The following GRIP1 variants were observed in gnomAD, a reference collection of about 807,000 sequenced individuals.
The protein encoded by GRIP1 is glutamate receptor interacting protein 1.
In GRIP1, 45 loss-of-function variants were observed where a neutral mutation model predicts 129.9. The observed-to-expected ratio is 0.35, with a 90% CI of 0.27 to 0.44. GRIP1 has a LOEUF of 0.44. Ranked by LOEUF, GRIP1 falls within the 20% of genes least tolerant of loss-of-function variation. The pLI is 1.00. For synonymous variants in GRIP1, 530 were observed against 520.8 expected (o/e 1.02, Z -0.24); for missense variants, 1,196 against 1,396.8 (o/e 0.86, Z 2.29).
At chr12:67,041,397 G>A (rs79550040) in intron 1 of GRIP1, among the ~76,000 whole-genome samples, 2,253 of 152,024 alleles carry the variant, frequency 0.015, 26 homozygotes, top group Non-Finnish European at 0.023. Flanking sequence ...TATATATGGA[G>A]AGAGAGAGAA....
At chr12:66,796,816 CATT>C (rs1351527554) in intron 1 of GRIP1, among the ~76,000 whole-genome samples, 1 of 152,032 alleles carries the variant, frequency 6.6e-6, no homozygotes, top group African/African-American at 2.4e-5. Flanking sequence ...AAAATTCAAG[CATT>C]ATATTTTATT....
intron 1 of GRIP1, among the ~76,000 whole-genome samples, chr12:66,859,963 T>C (rs1461051091): frequency 6.6e-6 from 1 of 152,092 alleles, no homozygotes; most frequent in African/African-American, 2.4e-5. Flanking sequence ...GGGCTCTGTT[T>C]ATATTTCCAG....
intron 1 of GRIP1, among the ~76,000 whole-genome samples, chr12:66,608,494 G>C (rs1406754648): frequency 6.6e-6 from 1 of 151,868 alleles, no homozygotes; most frequent in African/African-American, 2.4e-5. Flanking sequence ...CACCATGACT[G>C]GCTAATTTTT....
At chr12:66,437,972 C>A (rs1053995942) in intron 13 of GRIP1, among the ~76,000 whole-genome samples, 2 of 152,104 alleles carry the variant, frequency 1.3e-5, no homozygotes, top group South Asian at 4.1e-4. Flanking sequence ...CCCAATTGAG[C>A]CTCAGTTTCC....
At chr12:66,553,234 A>C (rs2062202420) in intron 2 of GRIP1, among the ~76,000 whole-genome samples, 1 of 152,052 alleles carries the variant, frequency 6.6e-6, no homozygotes, top group Non-Finnish European at 1.5e-5. Context: ...TAGTACCTCA[A>C]TCACCTTATG....
chr12:66,985,488 AC>A (rs2042298674), intron 1 of GRIP1, among the ~76,000 whole-genome samples: 1 of 152,168 alleles, frequency 6.6e-6, no homozygotes, highest in Middle Eastern at 3.2e-3. Flanking sequence ...TAAAATTTTT[AC>A]TGTTTAAATT....
chr12:66,353,093 G>A (rs563779902), intron 24 of GRIP1, among the ~76,000 whole-genome samples: 1 of 152,100 alleles, frequency 6.6e-6, no homozygotes, highest in Non-Finnish European at 1.5e-5. Flanking sequence ...GCCTGGAGTC[G>A]GATAACTACG....
chr12:66,849,888 T>A (rs1324296280), intron 1 of GRIP1, among the ~76,000 whole-genome samples: 1 of 152,154 alleles, frequency 6.6e-6, no homozygotes. Flanking sequence ...AGAAAGCACA[T>A]GAATAGGAGC....
At chr12:66,912,592 A>C (rs1474499080) in intron 1 of GRIP1, among the ~76,000 whole-genome samples, 2 of 152,202 alleles carry the variant, frequency 1.3e-5, no homozygotes, top group Non-Finnish European at 2.9e-5. Flanking sequence ...GACTTTATCA[A>C]GGAGTATTAA....
chr12:66,685,325 T>C (rs1490984002), intron 1 of GRIP1, among the ~76,000 whole-genome samples: 1 of 150,852 alleles, frequency 6.6e-6, no homozygotes, highest in Non-Finnish European at 1.5e-5. Flanking sequence ...AATTTTGTTC[T>C]TTTTTTTTAA....
chr12:66,453,986 T>C (rs2138215334), intron 11 of GRIP1, among the ~76,000 whole-genome samples: 1 of 152,334 alleles, frequency 6.6e-6, no homozygotes, highest in African/African-American at 2.4e-5. Flanking sequence ...TTGACTAAAC[T>C]CAATCTTCCA....
chr12:66,532,716 C>T (rs1483823329), intron 4 of GRIP1, among the ~76,000 whole-genome samples: 1 of 152,132 alleles, frequency 6.6e-6, no homozygotes, highest in Non-Finnish European at 1.5e-5. Flanking sequence ...AACTGAATCC[C>T]AGAGTAAATC....
At chr12:66,699,866 C>G (rs148511057) in intron 1 of GRIP1, among the ~76,000 whole-genome samples, 3,947 of 152,212 alleles carry the variant, frequency 0.026, 89 homozygotes, top group Admixed American at 0.052. Context: ...GAGGCCCGCC[C>G]TGTAGAATGA....
intron 16 of GRIP1, among the ~76,000 whole-genome samples, chr12:66,399,405 C>T (rs2056904250): frequency 6.6e-6 from 1 of 151,896 alleles, no homozygotes; most frequent in South Asian, 2.1e-4. Context: ...GTGTAGAAGT[C>T]TTAGAAAGGA....
chr12:67,067,585 T>C (rs561851961), intron 1 of GRIP1, among the ~76,000 whole-genome samples: 1 of 152,250 alleles, frequency 6.6e-6, no homozygotes, highest in African/African-American at 2.4e-5. Flanking sequence ...CCAGAAAGTG[T>C]GCTGGAAAAT....
At chr12:67,042,210 C>T (rs1592505736) in intron 1 of GRIP1, among the ~76,000 whole-genome samples, 1 of 152,302 alleles carries the variant, frequency 6.6e-6, no homozygotes, top group East Asian at 1.9e-4. Context: ...GTCTCCAGAA[C>T]TGTAAGCCAA....
chr12:67,036,451 C>T (rs1268016578), intron 1 of GRIP1, among the ~76,000 whole-genome samples: 2 of 151,932 alleles, frequency 1.3e-5, no homozygotes, highest in Non-Finnish European at 2.9e-5. Context: ...CCTCAGCCTC[C>T]CAAGTAGCTG....
At chr12:66,389,682 C>T (rs2056503870) in intron 19 of GRIP1, among the ~76,000 whole-genome samples, 1 of 152,132 alleles carries the variant, frequency 6.6e-6, no homozygotes, top group Non-Finnish European at 1.5e-5. Flanking sequence ...GCCATGACCA[C>T]TAAAATTCTT....
chr12:66,484,759 T>C (rs764534351), intron 7 of GRIP1, among the ~76,000 whole-genome samples: 10 of 152,170 alleles, frequency 6.6e-5, no homozygotes, highest in Non-Finnish European at 1.3e-4. Context: ...TAGTGTTTGA[T>C]AGCACAATAG....
Sources: gnomAD v4.1 joint callset for allele counts (sites outside exome capture counted in the v4.1 genomes callset) on GRCh38, gnomAD v4.1.1 for gene constraint, MANE v1.5 for transcripts, NCBI Gene and HGNC (gene_info 2026-07-23, HGNC 2026-07-21) for gene names.